The following NKAIN3 variants were observed in gnomAD, a reference collection of about 807,000 sequenced individuals.
NKAIN3 encodes the protein sodium/potassium-transporting ATPase subunit beta-1-interacting protein 3.
In NKAIN3, 25 loss-of-function variants were observed where a neutral mutation model predicts 30.2. The observed-to-expected ratio is 0.83, with a 90% CI of 0.60 to 1.16. The LOEUF is 1.16. NKAIN3 is among the 50% of genes most tolerant of loss of function. The pLI, the probability that NKAIN3 is intolerant of heterozygous loss-of-function variation, is 0.00. For missense variants in NKAIN3, 225 were observed against 254.1 expected (o/e 0.89, Z 0.78); for synonymous variants, 91 against 89.6 (o/e 1.02, Z -0.09).
At chr8:62,853,486 A>T (rs1472970916) in intron 4 of NKAIN3, among the ~76,000 whole-genome samples, 2 of 152,188 alleles carry the variant, frequency 1.3e-5, no homozygotes, top group South Asian at 2.1e-4. Flanking sequence ...TTTCTAACTT[A>T]TGTGTACAAA....
At chr8:62,956,868 A>G (rs1044054922) in intron 6 of NKAIN3, among the ~76,000 whole-genome samples, 1 of 152,224 alleles carries the variant, frequency 6.6e-6, no homozygotes, top group African/African-American at 2.4e-5. Flanking sequence ...ATTTATCCCC[A>G]AGGAAATTTT....
chr8:62,650,716 T>C (rs1457262732), intron 3 of NKAIN3, among the ~76,000 whole-genome samples: 1 of 152,168 alleles, frequency 6.6e-6, no homozygotes, highest in Non-Finnish European at 1.5e-5. Flanking sequence ...CGTGGGAATA[T>C]TGAGCTCTCA....
intron 1 of NKAIN3, among the ~76,000 whole-genome samples, chr8:62,363,592 A>G (rs531629514): frequency 1.4e-4 from 22 of 152,308 alleles, no homozygotes; most frequent in East Asian, 1.4e-3. Flanking sequence ...TCAAATGTTA[A>G]TGATCATTAT....
chr8:62,579,526 T>C lies in NKAIN3; in HGVS notation c.55-13T>C. On this transcript the variant is annotated splice_polypyrimidine_tract_variant and intron_variant, in intron 1 of 6. Transcript: ENST00000623646. The stretch of plus-strand genomic sequence containing the variant: ...TGGATTCAATGCTAATGAACTTTCT[T>C]TTTTTGTTGTAGGTCTCAGCATTAG... 2 of 1,592,716 alleles carry C rather than the reference T, an allele frequency of 1.3e-6. No homozygotes were observed. The highest frequency in any genetic ancestry group is 1.7e-6 in the Non-Finnish European group (2 of 1,171,930).
intron 1 of NKAIN3, among the ~76,000 whole-genome samples, chr8:62,421,075 G>A (rs905316420): frequency 6.6e-6 from 1 of 152,110 alleles, no homozygotes; most frequent in East Asian, 1.9e-4. Context: ...AAGAAACACC[G>A]CACAAGGTTG....
intron 3 of NKAIN3, among the ~76,000 whole-genome samples, chr8:62,613,538 G>A (rs1260555066): frequency 6.6e-6 from 1 of 151,938 alleles, no homozygotes; most frequent in African/African-American, 2.4e-5. Flanking sequence ...CTGTAACCTT[G>A]TACTTGGATA....
At chr8:62,335,672 A>T (rs578214830) in intron 1 of NKAIN3, among the ~76,000 whole-genome samples, 10 of 152,090 alleles carry the variant, frequency 6.6e-5, no homozygotes, top group Admixed American at 5.9e-4. Context: ...AATGGGAAAC[A>T]TGTTCCACAG....
At chr8:62,303,088 A>G (rs1814107776) in intron 1 of NKAIN3, among the ~76,000 whole-genome samples, 1 of 150,418 alleles carries the variant, frequency 6.6e-6, no homozygotes, top group African/African-American at 2.5e-5. Flanking sequence ...AAAACAAGGT[A>G]TAACATTCAA....
At chr8:62,551,532 T>C (rs1809209561) in intron 1 of NKAIN3, among the ~76,000 whole-genome samples, 1 of 152,234 alleles carries the variant, frequency 6.6e-6, no homozygotes, top group Non-Finnish European at 1.5e-5. Flanking sequence ...ATTGTTTGTA[T>C]GTTTGGTGCT....
intron 3 of NKAIN3, among the ~76,000 whole-genome samples, chr8:62,616,162 T>C (rs1440469999): frequency 6.6e-6 from 1 of 152,132 alleles, no homozygotes; most frequent in African/African-American, 2.4e-5. Context: ...TTTCTGACTC[T>C]AACCCATTCT....
intron 1 of NKAIN3, among the ~76,000 whole-genome samples, chr8:62,488,062 A>C (rs945044978): frequency 2.6e-5 from 4 of 152,338 alleles, no homozygotes; most frequent in Admixed American, 1.3e-4. Flanking sequence ...TTTTTAATTT[A>C]ATGAATTAGA....
intron 1 of NKAIN3, among the ~76,000 whole-genome samples, chr8:62,259,064 C>T (rs1284940831): frequency 1.3e-5 from 2 of 152,054 alleles, no homozygotes; most frequent in Non-Finnish European, 2.9e-5. Context: ...AGTATTGGTG[C>T]CTTTTGGCTT....
chr8:62,290,995 A>G (rs186184565), intron 1 of NKAIN3, among the ~76,000 whole-genome samples: 38 of 152,106 alleles, frequency 2.5e-4, no homozygotes, highest in African/African-American at 8.9e-4. Context: ...GAATTTATCA[A>G]CTTCTTCTAG....
At chr8:62,915,886 G>C (rs559291740) in intron 4 of NKAIN3, among the ~76,000 whole-genome samples, 1 of 152,050 alleles carries the variant, frequency 6.6e-6, no homozygotes, top group African/African-American at 2.4e-5. Flanking sequence ...GTTAATAAAT[G>C]AGCAAAAAAC....
At chr8:62,776,919 G>T (rs12542200) in intron 4 of NKAIN3, among the ~76,000 whole-genome samples, 77,200 of 151,922 alleles carry the variant, frequency 0.51, 22,731 homozygotes, top group Non-Finnish European at 0.67. Flanking sequence ...TTCAGCTTTT[G>T]TCTGAGAAAG....
At chr8:62,275,181 A>C (rs1812904247) in intron 1 of NKAIN3, among the ~76,000 whole-genome samples, 1 of 152,134 alleles carries the variant, frequency 6.6e-6, no homozygotes, top group Non-Finnish European at 1.5e-5. Flanking sequence ...ACTGACTTCC[A>C]CAATGGTTGA....
chr8:62,561,542 C>T (rs750480079), intron 1 of NKAIN3, among the ~76,000 whole-genome samples: 8 of 152,228 alleles, frequency 5.3e-5, no homozygotes, highest in African/African-American at 1.4e-4. Context: ...TCTAAAGCTT[C>T]GGGGAGAGGC....
At position 62,610,669 on chromosome 8, in the gene NKAIN3, C is replaced by T. The variant is rs537143126; in HGVS notation, c.273+20875C>T. Among the ~76,000 whole-genome samples the T allele has an allele frequency of 1.1e-4, 16 of 152,234 alleles. 1 individual carries two copies. The South Asian group carries it at 2.9e-3, about 28-fold the overall frequency. On this transcript the variant is annotated intron_variant, in intron 3 of 6. Transcript: ENST00000623646. The stretch of plus-strand genomic sequence containing the variant: ...GATGCTTTAAAAATGCATCCTGTCT[C>T]CCACTTCTCAACTAGCCTTTTTCTT...
At chr8:62,885,944 C>A (rs1368106213) in intron 4 of NKAIN3, among the ~76,000 whole-genome samples, 1 of 152,094 alleles carries the variant, frequency 6.6e-6, no homozygotes, top group Non-Finnish European at 1.5e-5. Context: ...CTGACAACCT[C>A]TGTCTTTTAA....
Sources: gnomAD v4.1 joint callset for allele counts (sites outside exome capture counted in the v4.1 genomes callset) on GRCh38, gnomAD v4.1.1 for gene constraint, MANE v1.5 for transcripts, NCBI Gene and HGNC (gene_info 2026-07-23, HGNC 2026-07-21) for gene names.